Variants in COBLL1 observed in about 807,000 individuals in gnomAD.
COBLL1 encodes cordon-bleu protein-like 1.
In COBLL1, 50 loss-of-function variants were observed where a neutral mutation model predicts 94.8. The ratio of observed to expected loss-of-function variants is 0.53; its 90% confidence interval spans 0.42 to 0.67. The LOEUF is 0.67. Ranked by LOEUF, COBLL1 falls within the 30% of genes least tolerant of loss-of-function variation. COBLL1 has a pLI of 0.00. For missense variants in COBLL1, 1,362 were observed against 1,348.7 expected, an observed-to-expected ratio of 1.01 and a Z score of -0.15; for synonymous variants, 448 against 473.8, an observed-to-expected ratio of 0.95 and a Z score of 0.71.
At position 164,702,575 on chromosome 2, in the gene COBLL1, A is replaced by AAAAAT. The variant is rs1553469790; in HGVS notation, c.1226-1820_1226-1819insATTTT. Reference sequence around the variant, plus strand: ...AGACTCCTCAAAAAAAAAAAAAAAAAAATAATAATAATAATAATTTGAAAA... The same window carrying AAAAAT: ...AGACTCCTCAAAAAAAAAAAAAAAAAAAAATAATAATAATAATAATAATTTGAAAA... On this transcript the variant is annotated intron_variant, in intron 9 of 13. Coordinates refer to ENST00000652658, the MANE Select transcript of COBLL1 (RefSeq NM_001365672.2). 4.8e-3 allele frequency among the ~76,000 whole-genome samples: 647 copies of AAAAAT among 134,956 alleles called. 5 individuals carry two copies. The highest frequency in any genetic ancestry group is 0.016 in the African/African-American group (543 of 33,294). The allele number at this position is 134,956 out of a possible 152,430, so 88.5% of individuals were successfully genotyped here. A position where few individuals can be genotyped will look rare whatever the true frequency, so the allele number is the denominator to read the frequency against.
chr2:164,776,475 C>T (rs938166629), intron 2 of COBLL1, among the ~76,000 whole-genome samples: 4 of 152,130 alleles, frequency 2.6e-5, no homozygotes, highest in Non-Finnish European at 1.5e-5. Flanking sequence ...TTAAATGTTA[C>T]CTTCTCATAA....
chr2:164,748,029 G>A (rs1345068313), intron 2 of COBLL1, among the ~76,000 whole-genome samples: 1 of 152,140 alleles, frequency 6.6e-6, no homozygotes, highest in Non-Finnish European at 1.5e-5. Flanking sequence ...GACCAGCTGT[G>A]TGTGGTGGGG....
At chr2:164,818,509 T>A (rs1049126568) in intron 2 of COBLL1, among the ~76,000 whole-genome samples, 1 of 148,110 alleles carries the variant, frequency 6.8e-6, no homozygotes, top group African/African-American at 2.4e-5. Flanking sequence ...ACAATGTATA[T>A]ATGTATACTT....
At chr2:164,813,676 A>C (rs933144476) in intron 2 of COBLL1, among the ~76,000 whole-genome samples, 9 of 152,146 alleles carry the variant, frequency 5.9e-5, no homozygotes, top group Non-Finnish European at 1.0e-4. Flanking sequence ...TTCAACTCCA[A>C]TGTTTACTCT....
chr2:164,717,486 C>T (rs1685226620), intron 7 of COBLL1, among the ~76,000 whole-genome samples: 1 of 152,134 alleles, frequency 6.6e-6, no homozygotes, highest in Non-Finnish European at 1.5e-5. Flanking sequence ...CTTGTACGTT[C>T]ATATGTTTTG....
At chr2:164,750,698 C>T (rs1687079632) in intron 2 of COBLL1, among the ~76,000 whole-genome samples, 2 of 152,188 alleles carry the variant, frequency 1.3e-5, no homozygotes. Context: ...TAATCCTTCA[C>T]TGGCCTTCCA....
At chr2:164,746,151 C>T (rs964957965) in intron 2 of COBLL1, among the ~76,000 whole-genome samples, 8 of 152,108 alleles carry the variant, frequency 5.3e-5, no homozygotes, top group South Asian at 2.1e-4. Flanking sequence ...CTACAAATTC[C>T]GCCAGCTCTA....
At chr2:164,765,624 T>G (rs1687892203) in intron 2 of COBLL1, among the ~76,000 whole-genome samples, 1 of 152,122 alleles carries the variant, frequency 6.6e-6, no homozygotes, top group Non-Finnish European at 1.5e-5. Context: ...TTTGTGACAT[T>G]TAAAGCTCGG....
intron 2 of COBLL1, among the ~76,000 whole-genome samples, chr2:164,789,020 A>AACACACACACACACACACAC (rs56773751): frequency 0.017 from 2,385 of 141,566 alleles, 47 homozygotes; most frequent in Non-Finnish European, 0.027. Context: ...TAGAGGTTTA[A>AACACACACACACACACACAC]ACACACACAC....
At chr2:164,822,969 A>T (rs1239787019) in intron 2 of COBLL1, among the ~76,000 whole-genome samples, 1 of 151,970 alleles carries the variant, frequency 6.6e-6, no homozygotes, top group East Asian at 1.9e-4. Context: ...GAATATTGCC[A>T]TGTTGGCCGG....
At chr2:164,770,734 G>A (rs1558998511) in intron 2 of COBLL1, among the ~76,000 whole-genome samples, 1 of 152,100 alleles carries the variant, frequency 6.6e-6, no homozygotes, top group Non-Finnish European at 1.5e-5. Flanking sequence ...GAAATAGGTG[G>A]ACCTAGAAAC....
In COBLL1 at chr2:164,730,136, A is replaced by G. The variant is rs761160827; in HGVS notation, c.231-21T>C. ...GTTTACTGTAAAACAAGAGTATTTC[A>G]TTACCCGTTATTGTTTTGAGGATTT... On this transcript the variant is annotated intron_variant, in intron 3 of 13. Coordinates refer to ENST00000652658, the MANE Select transcript of COBLL1 (RefSeq NM_001365672.2). 3.8e-6 allele frequency: 6 copies of G among 1,576,780 alleles called. No homozygotes were observed. The Admixed American group carries it at 1.0e-4, about 26-fold the overall frequency.
In COBLL1 at chr2:164,685,904, TCTGAAGTGGAA is replaced by T. The variant is rs1344389332; in HGVS notation, c.*31_*41del. ...AAATGTTCCATTAGTATGAAGTTGG[TCTGAAGTGGAA>T]GTGAAGTGCAGTGGTGTGGCAGGGT... On this transcript the variant is annotated 3_prime_UTR_variant, in exon 14 of 14. Transcript: ENST00000652658. 6 of 1,164,126 alleles carry T rather than the reference TCTGAAGTGGAA, an allele frequency of 5.2e-6. No individual in the cohort carries two copies. The highest frequency in any genetic ancestry group is 7.6e-6 in the Non-Finnish European group (6 of 784,650). The allele number at this position is 1,164,126 out of a possible 1,614,324, so 72.1% of individuals were successfully genotyped here. A position where few individuals can be genotyped will look rare whatever the true frequency, so the allele number is the denominator to read the frequency against.
Position 164,841,290 on chromosome 2 carries a change from T to G in COBLL1, c.-50-44A>C, listed in dbSNP as rs933558004. Reference sequence around the variant, plus strand: ...GCGGGTCAGGGCGGGACGCGCGCCTTCCCGAGGCCGGAGCGAAGCTGGCTG... The same window carrying G: ...GCGGGTCAGGGCGGGACGCGCGCCTGCCCGAGGCCGGAGCGAAGCTGGCTG... On this transcript the variant is annotated intron_variant, in intron 1 of 13. Transcript: ENST00000652658. This position sits in a 1 kb window ranked among gnomAD's most constrained non-coding sequence, Gnocchi z 5.5. The G allele has an allele frequency of 2.5e-6, 3 of 1,216,972 alleles. No homozygotes were observed. The highest frequency in any genetic ancestry group is 3.1e-5 in the African/African-American group (2 of 63,520). The allele number at this position is 1,216,972 out of a possible 1,614,324, so 75.4% of individuals were successfully genotyped here. A position where few individuals can be genotyped will look rare whatever the true frequency, so the allele number is the denominator to read the frequency against.
intron 4 of COBLL1, 136 bp from the exon 5 acceptor site, chr2:164,728,333 T>A: frequency 1.7e-6 from 1 of 596,034 alleles, no homozygotes; most frequent in Non-Finnish European, 2.9e-6. Context: ...GGTGTGAAAT[T>A]CTCTTTTTGA....
intron 11 of COBLL1, chr2:164,697,795 G>A (rs1684031288): frequency 6.6e-6 from 1 of 151,978 alleles, no homozygotes; most frequent in South Asian, 2.1e-4. Context: ...TGGAAACCCA[G>A]AATCCATCCT....
In COBLL1 at chr2:164,833,680, G is replaced by C. The variant is rs925414504; in HGVS notation, c.41+7476C>G. On this transcript the variant is annotated intron_variant, in intron 2 of 13. Transcript: ENST00000652658. ...TTAGCCAGGATGGTCTCGATCTCCT[G>C]ACCTCAAGATCCAACCACCTCGGCC... 7.2e-5 allele frequency among the ~76,000 whole-genome samples: 11 copies of C among 152,164 alleles called. No homozygotes were observed. The East Asian group carries it at 1.7e-3, about 24-fold the overall frequency.
chr2:164,731,465 C>T (rs145166332), intron 3 of COBLL1, among the ~76,000 whole-genome samples: 34 of 152,324 alleles, frequency 2.2e-4, no homozygotes, highest in African/African-American at 6.5e-4. Context: ...GACAGAACAA[C>T]ATAGTCTCTG....
At chr2:164,763,571 C>A (rs1454903514) in intron 2 of COBLL1, among the ~76,000 whole-genome samples, 2 of 152,046 alleles carry the variant, frequency 1.3e-5, no homozygotes, top group Non-Finnish European at 1.5e-5. Context: ...TAGAAACAAA[C>A]CAAATATCCA....
Sources: gnomAD v4.1 joint callset for allele counts (sites outside exome capture counted in the v4.1 genomes callset) on GRCh38, gnomAD v4.1.1 for gene constraint, Gnocchi (gnomAD v3.1) non-coding constraint, MANE v1.5 for transcripts, NCBI Gene and HGNC (gene_info 2026-07-23, HGNC 2026-07-21) for gene names.